CHM: variants seen among roughly 807,000 people sequenced by gnomAD.
CHM encodes rab proteins geranylgeranyltransferase component A 1.
A neutral mutation model predicts 49.0 loss-of-function variants in CHM; 10 were observed. That is an observed-to-expected ratio of 0.20 (90% CI 0.13 to 0.35). The LOEUF is 0.35. Ranked by LOEUF, CHM falls within the 10% of genes least tolerant of loss-of-function variation. The probability of loss-of-function intolerance (pLI) is 1.00; values close to 1 mark genes in which losing one functional copy is unlikely to be tolerated. For missense variants in CHM, 455 were observed against 478.4 expected (o/e 0.95, Z 0.46); for synonymous variants, 184 against 167.5 (o/e 1.10, Z -0.76).
At chrX:85,991,230 T>C (rs1291308453) in intron 2 of CHM, among the ~76,000 whole-genome samples, 1 of 111,955 alleles carries the variant, frequency 8.9e-6, no homozygotes, top group Non-Finnish European at 1.9e-5. Flanking sequence ...CTTCTGGCAA[T>C]CTTGTGAGGC....
intron 4 of CHM, among the ~76,000 whole-genome samples, chrX:85,975,648 G>GA (rs1931214279): frequency 8.9e-6 from 1 of 112,332 alleles, no homozygotes; most frequent in Non-Finnish European, 1.9e-5. Flanking sequence ...CAGGAGTTAT[G>GA]AATGGTAGGG....
chrX:85,871,304 C>CAAAAAAAAAAA lies in CHM; in HGVS notation c.1770+1737_1770+1747dup, dbSNP rs150005971. ...CCTGGGTGACAGAGCAAGACTGTCT[C>CAAAAAAAAAAA]AAAAAAAAAAAAAAAAAAGAAGAAA... On this transcript the variant is annotated intron_variant, in intron 14 of 14. Transcript: ENST00000357749. 2.0e-3 allele frequency among the ~76,000 whole-genome samples: 126 copies of CAAAAAAAAAAA among 62,044 alleles called. 2 individuals carry two copies. The East Asian group carries it at 0.034, about 17-fold the overall frequency. The allele number at this position is 62,044 out of a possible 115,157, so 53.9% of individuals were successfully genotyped here. A position where few individuals can be genotyped will look rare whatever the true frequency, so the allele number is the denominator to read the frequency against.
chrX:85,959,298 T>C (rs1463781248), intron 5 of CHM, among the ~76,000 whole-genome samples: 2 of 111,902 alleles, frequency 1.8e-5, no homozygotes, highest in Admixed American at 9.5e-5. Flanking sequence ...ATGTGTTTAG[T>C]TAGAGTTCCT....
intron 12 of CHM, among the ~76,000 whole-genome samples, chrX:85,882,119 T>A (rs945144496): frequency 8.9e-6 from 1 of 111,776 alleles, no homozygotes; most frequent in Non-Finnish European, 1.9e-5. Context: ...ACTCTTCTGA[T>A]GAAAAACTGT....
At chrX:85,996,468 T>C (rs1443509705) in intron 2 of CHM, among the ~76,000 whole-genome samples, 1 of 111,624 alleles carries the variant, frequency 9.0e-6, no homozygotes. Context: ...ACTATTTCTA[T>C]AAAAGGATTA....
At chrX:86,047,382 T>C (rs1934690417) in intron 1 of CHM, 102 bp downstream of exon 1, 1 of 771,279 alleles carries the variant, frequency 1.3e-6, no homozygotes, top group Non-Finnish European at 2.0e-6. Flanking sequence ...TCCCTCCCAC[T>C]CTCGACCCAC....
chrX:85,937,096 C>T (rs1928820409), intron 8 of CHM, among the ~76,000 whole-genome samples: 1 of 109,318 alleles, frequency 9.1e-6, no homozygotes, highest in Non-Finnish European at 1.9e-5. Flanking sequence ...GAAACCCCGT[C>T]TCTACTAAAA....
chrX:85,945,634 T>C (rs1929361598), intron 8 of CHM, among the ~76,000 whole-genome samples: 1 of 107,809 alleles, frequency 9.3e-6, no homozygotes, highest in South Asian at 4.3e-4. Flanking sequence ...TAGCCCAGTG[T>C]CAGGTATTTC....
At chrX:86,039,997 T>C (rs1231503624) in intron 1 of CHM, among the ~76,000 whole-genome samples, 2 of 111,872 alleles carry the variant, frequency 1.8e-5, no homozygotes, top group African/African-American at 6.5e-5. Flanking sequence ...CTTCAATTCA[T>C]TCATGTGACC....
intron 2 of CHM, among the ~76,000 whole-genome samples, chrX:86,006,190 A>G (rs1296388294): frequency 8.9e-6 from 1 of 111,822 alleles, no homozygotes; most frequent in Non-Finnish European, 1.9e-5. Flanking sequence ...AGGTGCAGAA[A>G]AGGCCTTTGA....
intron 1 of CHM, among the ~76,000 whole-genome samples, chrX:86,034,213 T>A (rs903558342): frequency 8.9e-6 from 1 of 111,902 alleles, no homozygotes; most frequent in Non-Finnish European, 1.9e-5. Context: ...TTTCAAGTTC[T>A]GAAAAGTGAA....
chrX:86,029,003 T>C (rs1933944932), intron 1 of CHM, among the ~76,000 whole-genome samples: 1 of 112,240 alleles, frequency 8.9e-6, no homozygotes, highest in African/African-American at 3.2e-5. Flanking sequence ...AAAATCCATA[T>C]TAAACACAAG....
chrX:85,956,834 A>T (rs2147664188), intron 7 of CHM, among the ~76,000 whole-genome samples: 1 of 111,703 alleles, frequency 9.0e-6, no homozygotes, highest in Non-Finnish European at 1.9e-5. Context: ...ACTAAAAAAT[A>T]ATGAAATGAA....
chrX:85,989,925 T>C (rs753252137), intron 2 of CHM, among the ~76,000 whole-genome samples: 61 of 111,753 alleles, frequency 5.5e-4, no homozygotes, highest in Non-Finnish European at 9.6e-4. Flanking sequence ...TGGAAAGCAT[T>C]ATGGCAATTC....
At chrX:85,897,306 C>CGT (rs533191230) in intron 11 of CHM, among the ~76,000 whole-genome samples, 3,648 of 76,446 alleles carry the variant, frequency 0.048, 96 homozygotes, top group African/African-American at 0.084. Flanking sequence ...CTTGTGTGTG[C>CGT]GTGTGTGTGT....
chrX:85,895,015 T>C (rs781527077), intron 11 of CHM, among the ~76,000 whole-genome samples: 1 of 111,410 alleles, frequency 9.0e-6, no homozygotes, highest in Non-Finnish European at 1.9e-5. Context: ...AAAAGTAAAA[T>C]GTAAAATTAT....
chrX:86,000,271 A>G (rs867917430), intron 2 of CHM, among the ~76,000 whole-genome samples: 1 of 196 alleles, frequency 5.1e-3, no homozygotes, highest in African/African-American at 0.02. Flanking sequence ...GTCTTCCTGA[A>G]AAAAAAAAAA....
At chrX:85,989,518 G>A (rs1230517495) in intron 2 of CHM, among the ~76,000 whole-genome samples, 2 of 112,028 alleles carry the variant, frequency 1.8e-5, no homozygotes, top group Non-Finnish European at 3.8e-5. Context: ...TTAAACTTCA[G>A]AGTTTCTGCA....
chrX:86,022,459 A>C (rs1488758178), intron 2 of CHM, among the ~76,000 whole-genome samples: 1 of 109,757 alleles, frequency 9.1e-6, no homozygotes, highest in African/African-American at 3.3e-5. Context: ...TCAAGGAGTG[A>C]AGTCGCCATA....
Sources: gnomAD v4.1 joint callset for allele counts (sites outside exome capture counted in the v4.1 genomes callset) on GRCh38, gnomAD v4.1.1 for gene constraint, MANE v1.5 for transcripts, NCBI Gene and HGNC (gene_info 2026-07-23, HGNC 2026-07-21) for gene names.